Variants in RAB9B observed in about 807,000 individuals in gnomAD.
RAB9B encodes ras-related protein Rab-9B.
Under a neutral mutation model 8.9 loss-of-function variants are expected in RAB9B, and 1 was observed. The observed-to-expected ratio is 0.11, with a 90% confidence interval of 0.04 to 0.53. RAB9B has a LOEUF of 0.53. Ranked by LOEUF, RAB9B falls within the 20% of genes least tolerant of loss-of-function variation. The pLI, the probability that RAB9B is intolerant of heterozygous loss-of-function variation, is 0.93. For synonymous variants in RAB9B, 63 were observed against 57.0 expected (o/e 1.10, Z -0.47); for missense variants, 82 against 152.9 (o/e 0.54, Z 2.45).
At chrX:103,796,847 C>CAAAAAAA in the RAB9B span, among the ~76,000 whole-genome samples, 2 of 12,104 alleles carry the variant, frequency 1.7e-4, 1 homozygote, top group African/African-American at 5.0e-4. Flanking sequence ...ACCGCCTCTA[C>CAAAAAAA]AAAAAAAAAA....
chrX:103,822,332 GTTATTCAAAATGCACTTTTTA>G lies in RAB9B; in HGVS notation c.*2826_*2846del, dbSNP rs2074664380. The stretch of plus-strand genomic sequence containing the variant: ...GAATAAACACAAACATTGTGTGCTG[GTTATTCAAAATGCACTTTTTA>G]TTCACTTTAACACAGATGATTTTTT... On this transcript the variant is annotated 3_prime_UTR_variant, in exon 3 of 3. Coordinates refer to ENST00000243298, the MANE Select transcript of RAB9B (RefSeq NM_016370.4). 8.9e-6 allele frequency: 1 copy of G among 112,162 alleles called. No individual in the cohort carries two copies. The highest frequency in any genetic ancestry group is 1.9e-5 in the Non-Finnish European group (1 of 53,247). 9.2% of individuals were successfully genotyped at this position (112,162 alleles called of 1,213,427 possible). A position where few individuals can be genotyped will look rare whatever the true frequency, so the allele number is the denominator to read the frequency against.
At chrX:103,800,232 TCTAGTATCAAAA>T in the RAB9B span, among the ~76,000 whole-genome samples, 1 of 109,909 alleles carries the variant, frequency 9.1e-6, no homozygotes, top group African/African-American at 3.3e-5. Context: ...TTCTCTACAG[TCTAGTATCAAAA>T]CTAGTTGTGC....
At chrX:103,817,193 A>G in the RAB9B span, among the ~76,000 whole-genome samples, 1 of 112,145 alleles carries the variant, frequency 8.9e-6, no homozygotes, top group African/African-American at 3.2e-5. Flanking sequence ...ATGTCCATCA[A>G]TGATAGACTG....
intron 1 of RAB9B, among the ~76,000 whole-genome samples, chrX:103,831,520 A>T (rs531615): frequency 0.042 from 4,055 of 97,324 alleles, 205 homozygotes; most frequent in African/African-American, 0.15. Flanking sequence ...GGCACACTAG[A>T]TAGCAATCTG....
At chrX:103,785,570 C>T in the RAB9B span, 1 of 1,205,653 alleles carries the variant, frequency 8.3e-7, no homozygotes, top group Admixed American at 2.2e-5. Context: ...GTTTCCCCTT[C>T]TTCTTCCCCA....
chrX:103,787,058 G>GAC, the RAB9B span: 1 of 280,651 alleles, frequency 3.6e-6, no homozygotes, highest in Non-Finnish European at 6.3e-6. Context: ...GATCTAACTG[G>GAC]ACAAGAGTCT....
chrX:103,784,465 G>A, the RAB9B span, among the ~76,000 whole-genome samples: 508 of 111,411 alleles, frequency 4.6e-3, 2 homozygotes, highest in Non-Finnish European at 6.6e-3. Flanking sequence ...TTTATTATTG[G>A]GAGTAATATC....
the RAB9B span, among the ~76,000 whole-genome samples, chrX:103,793,589 T>C: frequency 8.9e-6 from 1 of 111,954 alleles, no homozygotes; most frequent in Admixed American, 9.5e-5. Context: ...TTTTGGAGAA[T>C]TGATTCAGGG....
At chrX:103,777,057 A>T in the RAB9B span, 2 of 1,069,735 alleles carry the variant, frequency 1.9e-6, no homozygotes, top group Non-Finnish European at 1.3e-6. Flanking sequence ...TTCACAAGAG[A>T]ATTTCCAACT....
the RAB9B span, among the ~76,000 whole-genome samples, chrX:103,808,140 A>G: frequency 8.9e-6 from 1 of 111,754 alleles, no homozygotes; most frequent in Non-Finnish European, 1.9e-5. Context: ...GCTAGTACAC[A>G]GAAGGCAACA....
At chrX:103,790,280 A>G in the RAB9B span, among the ~76,000 whole-genome samples, 2 of 112,667 alleles carry the variant, frequency 1.8e-5, no homozygotes, top group Admixed American at 9.3e-5. Context: ...GAGGTGTGGA[A>G]TAAATCTTTA....
At chrX:103,805,677 A>T in the RAB9B span, among the ~76,000 whole-genome samples, 1 of 111,417 alleles carries the variant, frequency 9.0e-6, no homozygotes, top group East Asian at 2.8e-4. Context: ...CAGGCTTGGC[A>T]GTGTGTGCCT....
chrX:103,782,475 A>T, the RAB9B span, among the ~76,000 whole-genome samples: 5 of 112,095 alleles, frequency 4.5e-5, no homozygotes, highest in Admixed American at 3.8e-4. Context: ...TTTATCACCC[A>T]GTAAGAACAC....
chrX:103,819,289 G>T (rs1242785692), downstream of RAB9B, among the ~76,000 whole-genome samples: 1 of 111,927 alleles, frequency 8.9e-6, no homozygotes, highest in Non-Finnish European at 1.9e-5. Flanking sequence ...ATTCAGGAGT[G>T]TTATAGTGAG....
At chrX:103,816,531 C>G in the RAB9B span, among the ~76,000 whole-genome samples, 32 of 111,955 alleles carry the variant, frequency 2.9e-4, no homozygotes, top group African/African-American at 1.0e-3. Flanking sequence ...GCAAAGACTT[C>G]AAGTCTAAAA....
At position 103,832,245 on chromosome X, in the gene RAB9B, C is replaced by T; in HGVS notation, c.-302G>A. ...TGCCGCTCGCGCCCGCCGCTGCCGC[C>T]GCGCAGCGTCTCGAGCCCGCGCCCG... On this transcript the variant is annotated 5_prime_UTR_variant, in exon 1 of 3. Coordinates refer to ENST00000243298, the MANE Select transcript of RAB9B (RefSeq NM_016370.4). 9.1e-6 allele frequency: 1 copy of T among 110,241 alleles called. No individual in the cohort carries two copies. The highest frequency in any genetic ancestry group is 2.9e-4 in the East Asian group (1 of 3,461). The allele number at this position is 110,241 out of a possible 1,213,427, so 9.1% of individuals were successfully genotyped here.
chrX:103,799,954 G>A, the RAB9B span, among the ~76,000 whole-genome samples: 10 of 111,580 alleles, frequency 9.0e-5, no homozygotes, highest in Non-Finnish European at 1.9e-4. Context: ...AGAGGACAAA[G>A]CTTGGGGATT....
At chrX:103,821,352 C>CA (rs72322529), downstream of RAB9B, among the ~76,000 whole-genome samples, 2,422 of 90,912 alleles carry the variant, frequency 0.027, 51 homozygotes, top group African/African-American at 0.066. Context: ...GTACATGTGG[C>CA]AAAAAAAAAA....
chrX:103,812,879 C>A, the RAB9B span, among the ~76,000 whole-genome samples: 3 of 109,573 alleles, frequency 2.7e-5, no homozygotes, highest in African/African-American at 1.0e-4. Flanking sequence ...AAAACCATAG[C>A]CCCAGATTGC....
Sources: gnomAD v4.1 joint callset for allele counts (sites outside exome capture counted in the v4.1 genomes callset) on GRCh38, gnomAD v4.1.1 for gene constraint, MANE v1.5 for transcripts, NCBI Gene and HGNC (gene_info 2026-07-23, HGNC 2026-07-21) for gene names.